Variants in PCSK5 observed in about 807,000 individuals in gnomAD.
PCSK5 encodes proprotein convertase subtilisin/kexin type 5.
In PCSK5, 129 loss-of-function variants were observed where a neutral mutation model predicts 233.2. That is an observed-to-expected ratio of 0.55 (90% CI 0.48 to 0.64). PCSK5 has a LOEUF of 0.64. PCSK5 is among the 30% of genes least tolerant of loss of function. The pLI, the probability that PCSK5 is intolerant of heterozygous loss-of-function variation, is 0.00. For missense variants in PCSK5, 2,076 were observed against 2,430.1 expected, an observed-to-expected ratio of 0.85 and a Z score of 3.06; for synonymous variants, 825 against 879.2, an observed-to-expected ratio of 0.94 and a Z score of 1.09.
intron 20 of PCSK5, among the ~76,000 whole-genome samples, chr9:76,192,067 CA>C (rs5898457): frequency 0.3 from 29,799 of 100,184 alleles, 3,269 homozygotes; most frequent in Middle Eastern, 0.39. Flanking sequence ...AAGACTGTCT[CA>C]AAAAAAAAAA....
At chr9:76,316,278 C>T (rs1255421309) in intron 30 of PCSK5, among the ~76,000 whole-genome samples, 4 of 152,026 alleles carry the variant, frequency 2.6e-5, no homozygotes, top group African/African-American at 4.8e-5. Flanking sequence ...TCAGGTGTGG[C>T]AAGAGAGACC....
chr9:76,261,403 T>A (rs1827170260), intron 24 of PCSK5, among the ~76,000 whole-genome samples: 1 of 152,162 alleles, frequency 6.6e-6, no homozygotes, highest in Admixed American at 6.5e-5. Context: ...CTCTAAGAAC[T>A]GAAAAATGAC....
chr9:76,268,123 T>C (rs1827395684), intron 24 of PCSK5, among the ~76,000 whole-genome samples: 1 of 152,224 alleles, frequency 6.6e-6, no homozygotes, highest in South Asian at 2.1e-4. Flanking sequence ...TCTCTTTCAC[T>C]AGCTTCTCTA....
intron 8 of PCSK5, among the ~76,000 whole-genome samples, chr9:76,099,244 A>G (rs1411665136): frequency 6.6e-6 from 1 of 152,180 alleles, no homozygotes; most frequent in Non-Finnish European, 1.5e-5. Flanking sequence ...TGTTTATATT[A>G]GTCTCTAGCT....
intron 8 of PCSK5, among the ~76,000 whole-genome samples, chr9:76,102,659 C>T (rs1471349000): frequency 6.6e-6 from 1 of 152,148 alleles, no homozygotes; most frequent in African/African-American, 2.4e-5. Flanking sequence ...AAGGGATACG[C>T]AACCTGTAGT....
chr9:76,175,135 C>T lies in PCSK5; in HGVS notation c.1900+6C>T. 6.2e-7 allele frequency: 1 copy of T among 1,612,742 alleles called. No individual in the cohort carries two copies. Among genetic ancestry groups the T allele is most frequent in the Non-Finnish European group, 8.5e-7 (1 of 1,179,534 alleles). Reference sequence around the variant, plus strand: ...TGGCACAGAGGATTATGCAGGTGAGCTGGCTTCCAGTGGGACACAGGCTAA... The same window carrying T: ...TGGCACAGAGGATTATGCAGGTGAGTTGGCTTCCAGTGGGACACAGGCTAA... On this transcript the variant is annotated splice_donor_region_variant and intron_variant, in intron 14 of 37. Coordinates refer to ENST00000674117, the MANE Select transcript of PCSK5 (RefSeq NM_001372043.1).
chr9:76,356,673 C>T (rs1313330907), intron 37 of PCSK5, among the ~76,000 whole-genome samples: 1 of 152,034 alleles, frequency 6.6e-6, no homozygotes, highest in Non-Finnish European at 1.5e-5. Flanking sequence ...TAGGTAAAAT[C>T]CCATGAGAAT....
intron 7 of PCSK5, among the ~76,000 whole-genome samples, chr9:76,088,987 TC>T (rs1831178106): frequency 6.6e-6 from 1 of 151,508 alleles, no homozygotes; most frequent in African/African-American, 2.4e-5. Flanking sequence ...TCTATTTCTT[TC>T]AATGAACGCT....
intron 3 of PCSK5, among the ~76,000 whole-genome samples, chr9:76,011,165 A>C (rs1827715799): frequency 6.6e-6 from 1 of 152,220 alleles, no homozygotes; most frequent in African/African-American, 2.4e-5. Context: ...GATAAAAATA[A>C]GTTTGTTTTC....
Sources: gnomAD v4.1 joint callset for allele counts (sites outside exome capture counted in the v4.1 genomes callset) on GRCh38, gnomAD v4.1.1 for gene constraint, MANE v1.5 for transcripts, NCBI Gene and HGNC (gene_info 2026-07-23, HGNC 2026-07-21) for gene names.